ZNF292: variants seen among roughly 807,000 people sequenced by gnomAD.
The protein encoded by ZNF292 is zinc finger protein 292, also known as 16 zinc-finger domain protein.
A neutral mutation model predicts 217.9 loss-of-function variants in ZNF292; 26 were observed. The observed-to-expected ratio is 0.12, with a 90% CI of 0.09 to 0.17. The LOEUF is 0.17. Among genes scored for constraint, ZNF292 ranks in the 10% least tolerant of loss-of-function variants. The pLI is 1.00. For missense variants in ZNF292, 2,904 were observed against 3,175.2 expected, an observed-to-expected ratio of 0.91 and a Z score of 2.05; for synonymous variants, 1,257 against 1,124.1, an observed-to-expected ratio of 1.12 and a Z score of -2.37.
At chr6:87,244,267 T>A (rs1582490652) in intron 6 of ZNF292, among the ~76,000 whole-genome samples, 2 of 152,330 alleles carry the variant, frequency 1.3e-5, no homozygotes, top group Admixed American at 1.3e-4. Flanking sequence ...TTATAAAGGA[T>A]TTCTGAGCAT....
chr6:87,228,724 A>G (rs1297877564), intron 4 of ZNF292, among the ~76,000 whole-genome samples: 2 of 152,194 alleles, frequency 1.3e-5, no homozygotes, highest in African/African-American at 4.8e-5. Context: ...CCCTTGTCAA[A>G]GATCATTTGA....
intron 1 of ZNF292, among the ~76,000 whole-genome samples, chr6:87,160,489 A>ATGTG (rs1296663738): frequency 0.014 from 1,352 of 98,752 alleles, 16 homozygotes; most frequent in African/African-American, 0.036. Context: ...GTTTGTATAT[A>ATGTG]TATGTGTGTG....
intron 4 of ZNF292, among the ~76,000 whole-genome samples, chr6:87,225,868 C>A (rs534614430): frequency 5.3e-4 from 80 of 152,224 alleles, no homozygotes; most frequent in African/African-American, 1.9e-3. Flanking sequence ...ACCCAAGTAG[C>A]AGACTTTCCC....
chr6:87,261,613 T>C lies in ZNF292; in HGVS notation c.7984T>C (p.Cys2662Arg), dbSNP rs771525100. Reference sequence around the variant, plus strand: ...GTTTGCCAATCCATCACAGCTTCAGTGCAGTGATAATGTAAAAATTGTTTT... The same window carrying C: ...GTTTGCCAATCCATCACAGCTTCAGCGCAGTGATAATGTAAAAATTGTTTT... The part of the protein sequence containing the change: ...VQFANPSQLQ[C>R]SDNVKIVLDK... The change falls in exon 8 of 8, where the codon TGC becomes CGC. Residue 2662 changes from cysteine to arginine, a missense_variant. Cys to Arg is a radical substitution (Grantham distance 180). This residue lies in a region of ZNF292 where 380 missense variants were observed against 355.3 expected (regional missense o/e 1.07). Coordinates refer to ENST00000369577, the MANE Select transcript of ZNF292 (RefSeq NM_015021.3). 3 of 1,611,114 alleles carry C rather than the reference T, an allele frequency of 1.9e-6. No homozygotes were observed. The East Asian group carries it at 6.7e-5, about 36-fold the overall frequency.
At chr6:87,188,159 G>A (rs1771718928) in intron 1 of ZNF292, among the ~76,000 whole-genome samples, 1 of 152,198 alleles carries the variant, frequency 6.6e-6, no homozygotes, top group Non-Finnish European at 1.5e-5. Context: ...TTTGCCAGTT[G>A]TACATGAAAA....
intron 6 of ZNF292, among the ~76,000 whole-genome samples, chr6:87,244,809 C>A (rs1199884958): frequency 7.2e-5 from 11 of 151,796 alleles, no homozygotes; most frequent in Admixed American, 7.2e-4. Context: ...GTTTAAAAAT[C>A]ATGTCATTGA....
chr6:87,227,531 AT>A (rs1562155492), intron 4 of ZNF292, among the ~76,000 whole-genome samples: 1 of 152,140 alleles, frequency 6.6e-6, no homozygotes, highest in Non-Finnish European at 1.5e-5. Context: ...TTGTAAACAT[AT>A]TTCAGAACTT....
chr6:87,214,587 T>C (rs1240865820), intron 1 of ZNF292, among the ~76,000 whole-genome samples: 1 of 152,146 alleles, frequency 6.6e-6, no homozygotes, highest in African/African-American at 2.4e-5. Flanking sequence ...GAGTTGGTTT[T>C]GGACCTAGTT....
At chr6:87,249,415 A>G (rs1433213286) in intron 7 of ZNF292, 53 of 329,332 alleles carry the variant, frequency 1.6e-4, no homozygotes, top group Non-Finnish European at 1.2e-5. Context: ...GGTATGAGCC[A>G]CCACACATGA....
Position 87,256,544 on chromosome 6 carries a change from C to G in ZNF292, c.2915C>G (p.Thr972Arg), listed in dbSNP as rs368065968. 3.1e-6 allele frequency: 5 copies of G among 1,613,266 alleles called. No individual in the cohort carries two copies. In the African/African-American group the frequency reaches 4.0e-5, roughly 13 times the overall value. ...GAAGCACTGGTCACAGACTTACATA[C>G]GCCAGTTGAAGATACTTGTAATGAT... Reference protein sequence around the residue: ...SGEALVTDLHTPVEDTCNDLC... With the variant: ...SGEALVTDLHRPVEDTCNDLC... The change falls in exon 8 of 8, where the codon ACG becomes AGG. Residue 972 changes from threonine (T) to arginine (R), a missense_variant. Thr to Arg is a moderately conservative substitution (Grantham distance 71, BLOSUM62 -1). Coordinates refer to ENST00000369577, the MANE Select transcript of ZNF292 (RefSeq NM_015021.3).
At chr6:87,242,248 G>A (rs1313312103) in intron 5 of ZNF292, among the ~76,000 whole-genome samples, 1 of 152,168 alleles carries the variant, frequency 6.6e-6, no homozygotes, top group East Asian at 1.9e-4. Context: ...GTACCAGGTA[G>A]CATAAGACTA....
intron 1 of ZNF292, among the ~76,000 whole-genome samples, chr6:87,192,564 A>G (rs1771849222): frequency 6.6e-6 from 1 of 152,090 alleles, no homozygotes; most frequent in Non-Finnish European, 1.5e-5. Flanking sequence ...ACCCTTATTC[A>G]CTTAGGTTTG....
Position 87,256,640 on chromosome 6 carries a change from C to T in ZNF292, c.3011C>T (p.Ser1004Phe). The T allele has an allele frequency of 6.2e-7, 1 of 1,613,578 alleles. No homozygotes were observed. Among genetic ancestry groups the T allele is most frequent in the Non-Finnish European group, 8.5e-7 (1 of 1,179,808 alleles). The change falls in exon 8 of 8, where the codon TCT (serine) becomes TTT (phenylalanine). Residue 1004 changes from serine to phenylalanine, a missense_variant. Physicochemically the swap from Ser to Phe is radical, Grantham distance 155. Around this residue, in one of 15 missense-constraint regions of ZNF292, gnomAD observed 687 missense variants for 623.0 expected, o/e 1.10. Transcript: ENST00000369577. ...CFNDAHVTQN[S>F]LVNSETLKIG... ...AATGATGCCCATGTTACTCAGAATT[C>T]TTTAGTAAATTCAGAAACTCTCAAA... is the stretch of plus-strand genomic sequence containing the variant.
At chr6:87,168,538 T>C (rs1294555222) in intron 1 of ZNF292, among the ~76,000 whole-genome samples, 1 of 152,190 alleles carries the variant, frequency 6.6e-6, no homozygotes, top group Non-Finnish European at 1.5e-5. Context: ...GACATGATCT[T>C]AGCTCACTGT....
chr6:87,215,143 G>C (rs961949223), intron 1 of ZNF292: 2 of 151,936 alleles, frequency 1.3e-5, no homozygotes, highest in Non-Finnish European at 2.9e-5. Context: ...AACCTTTTAG[G>C]TAAGAGTCTT....
Position 87,264,756 on chromosome 6 carries a change from T to C in ZNF292, c.*2955T>C, listed in dbSNP as rs1251494829. 6.6e-6 allele frequency among the ~76,000 whole-genome samples: 1 copy of C among 152,182 alleles called. No homozygotes were observed. Among genetic ancestry groups the C allele is most frequent in the Non-Finnish European group, 1.5e-5 (1 of 68,024 alleles). ...ATCAGGAGTGTTCTTGTATGCTGTATTAAGTCTTTATTTTGGTTTTTGAAA... is the reference window on the plus strand; with the variant it reads ...ATCAGGAGTGTTCTTGTATGCTGTACTAAGTCTTTATTTTGGTTTTTGAAA... On this transcript the variant is annotated 3_prime_UTR_variant, in exon 8 of 8. Coordinates refer to ENST00000369577, the MANE Select transcript of ZNF292 (RefSeq NM_015021.3).
intron 5 of ZNF292, among the ~76,000 whole-genome samples, chr6:87,233,994 C>T (rs1017631311): frequency 2.6e-5 from 4 of 152,096 alleles, no homozygotes; most frequent in South Asian, 2.1e-4. Context: ...ATTTTGAGTA[C>T]GTATTTATTT....
At chr6:87,175,274 G>T (rs1582381730) in intron 1 of ZNF292, among the ~76,000 whole-genome samples, 1 of 151,998 alleles carries the variant, frequency 6.6e-6, no homozygotes, top group Non-Finnish European at 1.5e-5. Context: ...TCTTGGAAAG[G>T]TATTGTTTTT....
intron 1 of ZNF292, among the ~76,000 whole-genome samples, chr6:87,196,027 C>CA (rs147308020): frequency 0.23 from 21,880 of 95,336 alleles, 1,791 homozygotes; most frequent in African/African-American, 0.28. Flanking sequence ...GACTCCGTCT[C>CA]AAAAAAAAAA....
Sources: allele counts gnomAD v4.1 joint callset (sites outside exome capture counted in the v4.1 genomes callset), GRCh38; gene constraint gnomAD v4.1.1; regional missense constraint gnomAD v4.1.1; transcripts MANE v1.5; gene names NCBI Gene and HGNC (gene_info 2026-07-23, HGNC 2026-07-21).